BDNF: variants seen among roughly 807,000 people sequenced by gnomAD.
BDNF encodes the protein brain derived neurotrophic factor, also known as neurotrophic factor BDNF precursor form.
A neutral mutation model predicts 19.5 loss-of-function variants in BDNF; 1 was observed. The observed-to-expected ratio is 0.05, with a 90% CI of 0.02 to 0.24. The LOEUF (loss-of-function observed/expected upper bound fraction) is 0.24, where lower values mean the gene tolerates loss of function less well. Among genes scored for constraint, BDNF ranks in the 10% least tolerant of loss-of-function variants. The pLI, the probability that BDNF is intolerant of heterozygous loss-of-function variation, is 1.00. For missense variants in BDNF, 195 were observed against 317.6 expected, an observed-to-expected ratio of 0.61 and a Z score of 2.93; for synonymous variants, 100 against 121.6, an observed-to-expected ratio of 0.82 and a Z score of 1.17.
chr11:27,712,379 G>A (rs1439661099), intron 1 of BDNF, among the ~76,000 whole-genome samples: 1 of 151,948 alleles, frequency 6.6e-6, no homozygotes, highest in African/African-American at 2.4e-5. Flanking sequence ...TATTTACCTT[G>A]CTGTTAGATC....
intron 1 of BDNF, among the ~76,000 whole-genome samples, chr11:27,691,339 T>C (rs1858251478): frequency 6.6e-6 from 1 of 152,178 alleles, no homozygotes; most frequent in South Asian, 2.1e-4. Flanking sequence ...TGAAGATATA[T>C]GGATCAATAC....
At chr11:27,720,887 A>G (rs1004751362) in intron 1 of BDNF, 3 of 587,882 alleles carry the variant, frequency 5.1e-6, no homozygotes, top group African/African-American at 4.1e-5. Flanking sequence ...CTTTTCTTCT[A>G]CGAGAGGATT....
chr11:27,720,774 G>T, intron 1 of BDNF: 1 of 986,576 alleles, frequency 1.0e-6, no homozygotes, highest in Non-Finnish European at 1.2e-6. Flanking sequence ...AGTGATACTT[G>T]ATATTGCTCT....
At chr11:27,707,657 T>C (rs1860162501) in intron 1 of BDNF, among the ~76,000 whole-genome samples, 3 of 152,164 alleles carry the variant, frequency 2.0e-5, no homozygotes, top group South Asian at 4.2e-4. Context: ...AGGACAAATA[T>C]AATGTTTCAT....
intron 1 of BDNF, among the ~76,000 whole-genome samples, chr11:27,662,017 T>TC (rs1432536785): frequency 6.6e-6 from 1 of 151,762 alleles, no homozygotes; most frequent in Non-Finnish European, 1.5e-5. Flanking sequence ...TTTGTTTTTT[T>TC]CCCAAGACAG....
intron 1 of BDNF, among the ~76,000 whole-genome samples, chr11:27,669,909 T>G (rs1300222801): frequency 1.3e-5 from 2 of 152,016 alleles, no homozygotes; most frequent in Non-Finnish European, 2.9e-5. Context: ...AAAAAACTAC[T>G]TTAAAGTTCA....
At chr11:27,714,631 G>C (rs1160666243) in intron 1 of BDNF, among the ~76,000 whole-genome samples, 2 of 152,016 alleles carry the variant, frequency 1.3e-5, no homozygotes, top group Non-Finnish European at 2.9e-5. Flanking sequence ...TTTTTTTCAT[G>C]ATATACTTCT....
chr11:27,700,584 G>T (rs1859819931), upstream of BDNF: 11 of 969,134 alleles, frequency 1.1e-5, no homozygotes, highest in Admixed American at 6.5e-5. Context: ...ACCCGTTCGA[G>T]GCGGCCGCTT....
At chr11:27,673,664 G>A (rs888044805) in intron 1 of BDNF, among the ~76,000 whole-genome samples, 2 of 152,058 alleles carry the variant, frequency 1.3e-5, no homozygotes, top group Admixed American at 6.6e-5. Flanking sequence ...TTCCACAGAC[G>A]GTGCTCCTGA....
At position 27,658,599 on chromosome 11, in the gene BDNF, G is replaced by A. The variant is rs1460682898; in HGVS notation, c.-21-14C>T. ...CACCTGGTGGAACTGTAGGGAGAAAGCAGAAACAAGACAGAAAACTGGTTA... is the reference window on the plus strand; with the variant it reads ...CACCTGGTGGAACTGTAGGGAGAAAACAGAAACAAGACAGAAAACTGGTTA... On this transcript the variant is annotated splice_polypyrimidine_tract_variant and intron_variant, in intron 1 of 1. Transcript: ENST00000356660. This position sits in a 1 kb window ranked among gnomAD's most constrained non-coding sequence, Gnocchi z 5.7. 5.0e-6 allele frequency: 8 copies of A among 1,614,190 alleles called. No individual in the cohort carries two copies. The highest frequency in any genetic ancestry group is 5.9e-6 in the Non-Finnish European group (7 of 1,180,012).
At chr11:27,707,797 G>C (rs1372446163) in intron 1 of BDNF, among the ~76,000 whole-genome samples, 1 of 152,116 alleles carries the variant, frequency 6.6e-6, no homozygotes, top group Non-Finnish European at 1.5e-5. Flanking sequence ...TGTACTCTGG[G>C]AAATTACTTC....
rs1416023303 is a variant in BDNF at position 27,656,714 on chromosome 11, A to C, written c.*1107T>G. ...TTACAAGACATTGTTAAGCCTCACC[A>C]TGAGTTTTTTTTAAGCTTAGCCATG... On this transcript the variant is annotated 3_prime_UTR_variant, in exon 2 of 2. Coordinates refer to ENST00000356660, the MANE Select transcript of BDNF (RefSeq NM_001709.5). The C allele has an allele frequency of 1.0e-6, 1 of 985,194 alleles. No individual in the cohort carries two copies. The highest frequency in any genetic ancestry group is 1.7e-5 in the African/African-American group (1 of 57,248). The allele number at this position is 985,194 out of a possible 1,614,324, so 61.0% of individuals were successfully genotyped here.
At chr11:27,686,524 A>C in intron 1 of BDNF, among the ~76,000 whole-genome samples, 1 of 152,156 alleles carries the variant, frequency 6.6e-6, no homozygotes, top group South Asian at 2.1e-4. Flanking sequence ...ATGTTTCTGC[A>C]GTGGCTGGTA....
intron 1 of BDNF, among the ~76,000 whole-genome samples, chr11:27,712,923 CTTTCTTT>C (rs1860392016): frequency 7.7e-6 from 1 of 129,400 alleles, no homozygotes; most frequent in Non-Finnish European, 1.6e-5. Flanking sequence ...TTCTTTCTTT[CTTTCTTT>C]TTTTTTTTTT....
rs865922051 is a variant in BDNF, at chr11:27,656,487, C to T, written c.*1334G>A. 6 of 959,616 alleles carry T rather than the reference C, an allele frequency of 6.3e-6. No homozygotes were observed. The highest frequency in any genetic ancestry group is 1.2e-4 in the East Asian group (1 of 8,676). 59.4% of individuals were successfully genotyped at this position (959,616 alleles called of 1,614,324 possible). A position where few individuals can be genotyped will look rare whatever the true frequency, so the allele number is the denominator to read the frequency against. ...CTCTGAAGGGTCCTTCAGAGGCCTT[C>T]GTTTTGGAATGTCTCAAATACCATG... On this transcript the variant is annotated 3_prime_UTR_variant, in exon 2 of 2. Coordinates refer to ENST00000356660, the MANE Select transcript of BDNF (RefSeq NM_001709.5).
intron 1 of BDNF, among the ~76,000 whole-genome samples, chr11:27,693,084 C>T (rs1422783577): frequency 6.6e-6 from 1 of 152,184 alleles, no homozygotes; most frequent in Non-Finnish European, 1.5e-5. Context: ...GCATCCTGGT[C>T]ACAGTGATTT....
chr11:27,676,313 G>A (rs1435816290), intron 1 of BDNF, among the ~76,000 whole-genome samples: 2 of 152,108 alleles, frequency 1.3e-5, no homozygotes, highest in Non-Finnish European at 2.9e-5. Context: ...CCCCTATACA[G>A]TGGCCCTGTC....
At chr11:27,695,717 TC>T (rs1312899023) in intron 1 of BDNF, among the ~76,000 whole-genome samples, 1 of 152,020 alleles carries the variant, frequency 6.6e-6, no homozygotes, top group Admixed American at 6.6e-5. Flanking sequence ...TTTGCTTCCT[TC>T]CAATCGTTCT....
chr11:27,689,879 C>T (rs773819419), intron 1 of BDNF, among the ~76,000 whole-genome samples: 2 of 151,946 alleles, frequency 1.3e-5, no homozygotes, highest in Non-Finnish European at 2.9e-5. Flanking sequence ...CTCCCTTCCC[C>T]TGCCCCCTGC....
Sources: allele counts gnomAD v4.1 joint callset (sites outside exome capture counted in the v4.1 genomes callset), GRCh38; gene constraint gnomAD v4.1.1; non-coding constraint Gnocchi (gnomAD v3.1); transcripts MANE v1.5; gene names NCBI Gene and HGNC (gene_info 2026-07-23, HGNC 2026-07-21).